Variants in RAD51B observed in about 807,000 individuals in gnomAD.
RAD51B encodes DNA repair protein RAD51 homolog 2.
Under a neutral mutation model 42.2 loss-of-function variants are expected in RAD51B, and 38 were observed. The observed-to-expected ratio is 0.90, with a 90% confidence interval of 0.70 to 1.18. RAD51B has a LOEUF of 1.18. RAD51B is among the 50% of genes most tolerant of loss of function. RAD51B has a pLI of 0.00. For synonymous variants in RAD51B, 154 were observed against 145.2 expected (o/e 1.06, Z -0.43); for missense variants, 373 against 400.7 (o/e 0.93, Z 0.59).
chr14:68,674,699 C>A (rs1893267679), intron 11 of RAD51B, among the ~76,000 whole-genome samples: 1 of 152,094 alleles, frequency 6.6e-6, no homozygotes, highest in African/African-American at 2.4e-5. Context: ...TAAATATACA[C>A]CCCTAAGTAT....
intron 7 of RAD51B, among the ~76,000 whole-genome samples, chr14:68,233,488 T>G (rs1198974348): frequency 1.3e-5 from 2 of 152,238 alleles, no homozygotes; most frequent in Non-Finnish European, 2.9e-5. Context: ...TTATAATAAT[T>G]TAGTCTTCTG....
rs541456597 is a variant in RAD51B, at chr14:68,158,030, C to A, written c.757-133854C>A. ...TATGGAAAGAGAAAGAGCTTTTGCC[C>A]TGATTTATCCCATAAAATGAATAAT... On this transcript the variant is annotated intron_variant, in intron 7 of 10. Transcript: ENST00000471583. 2.0e-5 allele frequency among the ~76,000 whole-genome samples: 3 copies of A among 152,250 alleles called. 1 individual carries two copies. Among genetic ancestry groups the A allele is most frequent in the African/African-American group, 7.2e-5 (3 of 41,540 alleles).
intron 8 of RAD51B, among the ~76,000 whole-genome samples, chr14:68,394,245 C>T (rs1414959277): frequency 6.6e-6 from 1 of 152,238 alleles, no homozygotes; most frequent in African/African-American, 2.4e-5. Flanking sequence ...CCCCACCTTC[C>T]CAAGTTCTCA....
intron 7 of RAD51B, among the ~76,000 whole-genome samples, chr14:67,944,451 A>G (rs2045319530): frequency 6.6e-6 from 1 of 151,818 alleles, no homozygotes; most frequent in African/African-American, 2.4e-5. Context: ...TTGTTGTTTC[A>G]TAAAAACGTG....
chr14:68,290,615 G>C (rs1457894193), intron 7 of RAD51B, among the ~76,000 whole-genome samples: 3 of 152,096 alleles, frequency 2.0e-5, no homozygotes, highest in Non-Finnish European at 4.4e-5. Flanking sequence ...TACACAGTGA[G>C]ACTTTGGACT....
At chr14:68,149,304 G>A (rs1347350460) in intron 7 of RAD51B, among the ~76,000 whole-genome samples, 1 of 151,738 alleles carries the variant, frequency 6.6e-6, no homozygotes, top group African/African-American at 2.4e-5. Context: ...TTTTTTCTAT[G>A]TTATCGTCTG....
rs527539730 is a variant in RAD51B, at chr14:68,557,910, A to G, written c.1037-36575A>G. 6.3e-4 allele frequency among the ~76,000 whole-genome samples: 95 copies of G among 151,994 alleles called. 1 individual carries two copies. The highest frequency in any genetic ancestry group is 3.4e-3 in the Middle Eastern group (1 of 294). ...CTTCACCATAGGAAACCAGACTGAA[A>G]AAAAGGTGCAAATTTTAAAAAGATG... On this transcript the variant is annotated intron_variant, in intron 10 of 10. Coordinates refer to the RAD51B transcript ENST00000487270.
intron 2 of RAD51B, among the ~76,000 whole-genome samples, chr14:67,824,822 T>C (rs889636795): frequency 6.6e-6 from 1 of 151,698 alleles, no homozygotes; most frequent in Non-Finnish European, 1.5e-5. Context: ...CTCACACCTG[T>C]AATCCCAGCA....
At chr14:68,068,225 A>C (rs925914975) in intron 7 of RAD51B, among the ~76,000 whole-genome samples, 4 of 152,190 alleles carry the variant, frequency 2.6e-5, no homozygotes, top group African/African-American at 9.7e-5. Flanking sequence ...TAATTGTAGA[A>C]TATCTTCATC....
At chr14:68,629,913 G>A (rs1299706436) in intron 10 of RAD51B, among the ~76,000 whole-genome samples, 1 of 152,226 alleles carries the variant, frequency 6.6e-6, no homozygotes, top group African/African-American at 2.4e-5. Context: ...CTTGTCCAGA[G>A]CCATTCAGAA....
intron 7 of RAD51B, among the ~76,000 whole-genome samples, chr14:68,093,946 A>G (rs2077147868): frequency 6.6e-6 from 1 of 152,186 alleles, no homozygotes; most frequent in African/African-American, 2.4e-5. Context: ...GAATGGCTGC[A>G]CCAGTCTGCA....
chr14:67,981,933 C>T (rs1444070702), intron 7 of RAD51B, among the ~76,000 whole-genome samples: 2 of 151,966 alleles, frequency 1.3e-5, no homozygotes, highest in Non-Finnish European at 2.9e-5. Context: ...CAATTGTACA[C>T]TTTATTTATT....
At chr14:68,593,572 A>G (rs1228223418) in intron 10 of RAD51B, among the ~76,000 whole-genome samples, 1 of 152,236 alleles carries the variant, frequency 6.6e-6, no homozygotes, top group Non-Finnish European at 1.5e-5. Context: ...TTAGTATAAA[A>G]GGTTGGCAAA....
chr14:68,237,845 C>T (rs868818085), intron 7 of RAD51B, among the ~76,000 whole-genome samples: 6 of 149,828 alleles, frequency 4.0e-5, no homozygotes, highest in African/African-American at 1.2e-4. Flanking sequence ...AGTGATTCCC[C>T]TGCCTCAGCC....
chr14:67,909,470 T>G (rs796568949), intron 7 of RAD51B, among the ~76,000 whole-genome samples: 23 of 152,322 alleles, frequency 1.5e-4, no homozygotes, highest in African/African-American at 5.5e-4. Context: ...ATCTTTCCTG[T>G]GACTTATTCT....
At chr14:67,904,009 G>C (rs1220133817) in intron 7 of RAD51B, among the ~76,000 whole-genome samples, 1 of 151,286 alleles carries the variant, frequency 6.6e-6, no homozygotes, top group Non-Finnish European at 1.5e-5. Context: ...TGCAGTATTT[G>C]GTTTTCTGTT....
chr14:67,962,436 T>C (rs964584060), intron 7 of RAD51B, among the ~76,000 whole-genome samples: 9 of 152,182 alleles, frequency 5.9e-5, no homozygotes. Flanking sequence ...TCTTCAGTCA[T>C]GTAAGCAAAA....
chr14:67,997,381 A>T (rs1404411620), intron 7 of RAD51B, among the ~76,000 whole-genome samples: 1 of 152,160 alleles, frequency 6.6e-6, no homozygotes, highest in Non-Finnish European at 1.5e-5. Context: ...AATCAAGAGT[A>T]TAGTATTCTG....
At position 68,667,117 on chromosome 14, in the gene RAD51B, C is replaced by A. The variant is rs115767295; in HGVS notation, c.*11+16261C>A. Among the ~76,000 whole-genome samples the A allele has an allele frequency of 1.5e-3, 226 of 152,206 alleles. 1 individual carries two copies. Among genetic ancestry groups the A allele is most frequent in the African/African-American group, 5.1e-3 (213 of 41,508 alleles). ...GTATCTAGAGAGATGTAGCTATAGA[C>A]GAGATGGAGAGAGATGGATTTAAGG... On this transcript the variant is annotated intron_variant, in intron 11 of 11. Coordinates refer to the RAD51B transcript ENST00000488612.
Sources: allele counts gnomAD v4.1 joint callset (sites outside exome capture counted in the v4.1 genomes callset), GRCh38; gene constraint gnomAD v4.1.1; transcripts MANE v1.5; gene names NCBI Gene and HGNC (gene_info 2026-07-23, HGNC 2026-07-21).